The following SSX2IP variants were observed in gnomAD, a reference collection of about 807,000 sequenced individuals.
The protein encoded by SSX2IP is SSX family member 2 interacting protein.
SSX2IP carries 55 observed loss-of-function variants against 84.9 expected under a neutral mutation model. The observed-to-expected ratio is 0.65, with a 90% confidence interval of 0.52 to 0.81. The LOEUF (loss-of-function observed/expected upper bound fraction) is 0.81. Ranked by LOEUF, SSX2IP falls within the 30% of genes least tolerant of loss-of-function variation. SSX2IP has a pLI of 0.00. For synonymous variants in SSX2IP, 239 were observed against 234.7 expected, an observed-to-expected ratio of 1.02 and a Z score of -0.17; for missense variants, 664 against 705.2, an observed-to-expected ratio of 0.94 and a Z score of 0.66.
rs780998210 is a variant in SSX2IP at position 84,662,290 on chromosome 1, T to G, written c.835A>C (p.Lys279Gln). The G allele has an allele frequency of 6.2e-7, 1 of 1,607,648 alleles. No homozygotes were observed. ...QILMENAELKKVLQQMKKEMI... is the reference protein window; with the variant it reads ...QILMENAELKQVLQQMKKEMI... ...TCCTTTTTCATTTGTTGAAGAACCT[T>G]CTTAAGTTCTGCATTTTCCATTAGG... Residue 279 changes from lysine (K) to glutamine (Q), a missense_variant, in exon 8 of 14, where the codon AAG becomes CAG. Transcript: ENST00000342203.
intron 12 of SSX2IP, 63 bp from the exon 13 acceptor site, chr1:84,650,590 G>A (rs1650084464): frequency 6.4e-7 from 1 of 1,556,840 alleles, no homozygotes. Flanking sequence ...TATAGTGAAG[G>A]TAAATCATCA....
rs1363745084 is a variant in SSX2IP at position 84,662,311 on chromosome 1, T to C, written c.814A>G (p.Met272Val). 6.2e-7 allele frequency: 1 copy of C among 1,609,184 alleles called. No homozygotes were observed. Among genetic ancestry groups the C allele is most frequent in the African/African-American group, 1.3e-5 (1 of 74,810 alleles). Residue 272 changes from methionine to valine, a missense_variant, in exon 8 of 14, where the codon ATG (methionine) becomes GTG (valine). By Grantham distance (21) the Met-to-Val change is conservative. Transcript: ENST00000342203. ...ACCTTCTTAAGTTCTGCATTTTCCA[T>C]TAGGATTTGTTTCTGACGATATTCA... The part of the protein sequence containing the change: ...DYEYRQKQIL[M>V]ENAELKKVLQ...
At chr1:84,670,952 T>C (rs989032571) in intron 2 of SSX2IP, 137 bp from the exon 3 acceptor site, 1 of 829,366 alleles carries the variant, frequency 1.2e-6, no homozygotes, top group African/African-American at 1.7e-5. Flanking sequence ...TATTTTAAGG[T>C]ATTTTCAAAT....
At position 84,645,511 on chromosome 1, in the gene SSX2IP, C is replaced by T. The variant is rs1299678915; in HGVS notation, c.*1922G>A. The T allele has an allele frequency of 1.3e-5, 2 of 152,264 alleles. No individual in the cohort carries two copies. Among genetic ancestry groups the T allele is most frequent in the South Asian group, 2.1e-4 (1 of 4,822 alleles). 9.4% of individuals were successfully genotyped at this position (152,264 alleles called of 1,614,324 possible). A position where few individuals can be genotyped will look rare whatever the true frequency, so the allele number is the denominator to read the frequency against. ...TAAAATGGAAACACGCAACAAAAAACAGATGCTGCTTTCTAGAACTCCATT... is the reference window on the plus strand; with the variant it reads ...TAAAATGGAAACACGCAACAAAAAATAGATGCTGCTTTCTAGAACTCCATT... On this transcript the variant is annotated 3_prime_UTR_variant, in exon 14 of 14. Coordinates refer to ENST00000342203, the MANE Select transcript of SSX2IP (RefSeq NM_001166293.2).
Position 84,671,287 on chromosome 1 carries a change from C to A in SSX2IP, c.-68G>T. On this transcript the variant is annotated 5_prime_UTR_variant, in exon 2 of 14. Transcript: ENST00000342203. ...GTTAAACATTTAGTCTAGCTGCTGT[C>A]ACTCTTCTATGTAGGCATCTCCTTA... 1 of 1,591,106 alleles carries A rather than the reference C, an allele frequency of 6.3e-7. No homozygotes were observed. Among genetic ancestry groups the A allele is most frequent in the South Asian group, 1.2e-5 (1 of 86,258 alleles).
At chr1:84,657,856 T>C (rs1359607561) in intron 9 of SSX2IP, among the ~76,000 whole-genome samples, 1 of 152,148 alleles carries the variant, frequency 6.6e-6, no homozygotes, top group African/African-American at 2.4e-5. Context: ...ATGTCGGCTG[T>C]GCACAGTGGC....
intron 4 of SSX2IP, 125 bp downstream of exon 4, chr1:84,669,555 AC>A (rs1653239317): frequency 1.2e-5 from 9 of 724,654 alleles, no homozygotes; most frequent in Non-Finnish European, 1.8e-5. Context: ...GTTCACTTTT[AC>A]TTACCTGTTT....
chr1:84,680,147 A>G (rs1342156226), intron 1 of SSX2IP, among the ~76,000 whole-genome samples: 1 of 152,224 alleles, frequency 6.6e-6, no homozygotes, highest in Non-Finnish European at 1.5e-5. Context: ...TATAATCTCA[A>G]TGAAGCTCCT....
intron 5 of SSX2IP, 43 bp from the exon 6 acceptor site, chr1:84,664,595 A>C: frequency 6.8e-7 from 1 of 1,478,800 alleles, no homozygotes; most frequent in Admixed American, 2.6e-5. Context: ...AACGATTCAC[A>C]AATTTGAAAG....
At chr1:84,658,156 A>C in intron 9 of SSX2IP, 162 bp downstream of exon 9, 1 of 728,700 alleles carries the variant, frequency 1.4e-6, no homozygotes, top group Non-Finnish European at 2.1e-6. Context: ...ATAAAATAAA[A>C]TAAAATGAAA....
At chr1:84,659,627 GTC>G (rs1326902252) in intron 8 of SSX2IP, among the ~76,000 whole-genome samples, 1 of 151,726 alleles carries the variant, frequency 6.6e-6, no homozygotes. Flanking sequence ...GTGAAACCCT[GTC>G]TCTACTAAAA....
intron 8 of SSX2IP, among the ~76,000 whole-genome samples, chr1:84,659,566 G>C (rs946996631): frequency 3.3e-5 from 5 of 152,122 alleles, no homozygotes. Context: ...TTGGGAGGCA[G>C]AGGTGGGTGG....
chr1:84,680,373 C>T (rs1197849548), intron 1 of SSX2IP: 1 of 152,146 alleles, frequency 6.6e-6, no homozygotes, highest in Non-Finnish European at 1.5e-5. Flanking sequence ...CTTCTTTGGG[C>T]CTCACTTTCC....
At chr1:84,669,373 T>C (rs756308767) in intron 4 of SSX2IP, among the ~76,000 whole-genome samples, 1 of 152,236 alleles carries the variant, frequency 6.6e-6, no homozygotes, top group African/African-American at 2.4e-5. Context: ...ATGAAGCATA[T>C]ACTTTCTTAA....
In SSX2IP at chr1:84,670,710, T is replaced by C. The variant is rs371344587; in HGVS notation, c.149A>G (p.His50Arg). Reference protein sequence around the residue: ...CSSIPLSKNVHSFFSAFCTED... With the variant: ...CSSIPLSKNVRSFFSAFCTED... ...TGTGCAGAAGGCACTGAAAAAACTG[T>C]GCACATTTTTCGATAAAGGTATTGA... Residue 50 changes from histidine to arginine, a missense_variant, in exon 3 of 14, where the codon CAC becomes CGC. Coordinates refer to ENST00000342203, the MANE Select transcript of SSX2IP (RefSeq NM_001166293.2). 1 of 1,613,068 alleles carries C rather than the reference T, an allele frequency of 6.2e-7. No homozygotes were observed. The highest frequency in any genetic ancestry group is 1.3e-5 in the African/African-American group (1 of 74,884).
intron 6 of SSX2IP, among the ~76,000 whole-genome samples, chr1:84,663,647 C>T (rs578106240): frequency 6.6e-6 from 1 of 152,190 alleles, no homozygotes; most frequent in Non-Finnish European, 1.5e-5. Flanking sequence ...CAGCCTGAAA[C>T]GTACGCTCAT....
At position 84,677,551 on chromosome 1, in the gene SSX2IP, T is replaced by G. The variant is rs78501383; in HGVS notation, c.-89-6243A>C. Among the ~76,000 whole-genome samples the G allele has an allele frequency of 5.2e-3, 799 of 152,266 alleles. 10 individuals carry two copies. Among genetic ancestry groups the G allele is most frequent in the African/African-American group, 0.017 (725 of 41,534 alleles). On this transcript the variant is annotated intron_variant, in intron 1 of 13. Transcript: ENST00000342203. The stretch of plus-strand genomic sequence containing the variant: ...CTCTTGGGTTATTCTGTTCCTTGAG[T>G]ATGGGCTAGATTTATTGACTAGCTT...
At chr1:84,655,626 C>A in intron 11 of SSX2IP, 1 of 1,492,346 alleles carries the variant, frequency 6.7e-7, no homozygotes, top group Non-Finnish European at 8.9e-7. Context: ...GTTTTTTTTT[C>A]TTAAGTTCAA....
Position 84,664,190 on chromosome 1 carries a change from C to T in SSX2IP, c.673+227G>A, listed in dbSNP as rs140903318. ...TTTTCCTCTATGGATTAATTCTACA[C>T]TGGTCATGTTAAAAAATACATGCAA... On this transcript the variant is annotated intron_variant, in intron 6 of 13. Transcript: ENST00000342203. 4.8e-3 allele frequency among the ~76,000 whole-genome samples: 736 copies of T among 152,248 alleles called. 2 individuals carry two copies. Among genetic ancestry groups the T allele is most frequent in the African/African-American group, 0.017 (699 of 41,548 alleles).
Sources: gnomAD v4.1 joint callset for allele counts (sites outside exome capture counted in the v4.1 genomes callset) on GRCh38, gnomAD v4.1.1 for gene constraint, MANE v1.5 for transcripts, NCBI Gene and HGNC (gene_info 2026-07-23, HGNC 2026-07-21) for gene names.